Variants in ATP2C1 observed in about 807,000 individuals in gnomAD.
ATP2C1 encodes ATPase secretory pathway Ca2+ transporting 1.
A neutral mutation model predicts 120.5 loss-of-function variants in ATP2C1; 31 were observed. The observed-to-expected ratio is 0.26, with a 90% CI of 0.19 to 0.35. The LOEUF is 0.35. ATP2C1 is among the 10% of genes least tolerant of loss of function. The probability of loss-of-function intolerance (pLI) is 1.00; values close to 1 mark genes in which losing one functional copy is unlikely to be tolerated. For missense variants in ATP2C1, 731 were observed against 1,107.5 expected, an observed-to-expected ratio of 0.66 and a Z score of 4.83; for synonymous variants, 351 against 358.7, an observed-to-expected ratio of 0.98 and a Z score of 0.24.
intron 2 of ATP2C1, among the ~76,000 whole-genome samples, chr3:130,925,064 T>G (rs1217183669): frequency 6.6e-6 from 1 of 152,202 alleles, no homozygotes; most frequent in Non-Finnish European, 1.5e-5. Context: ...TTCTAAATTC[T>G]TTTTCTGGCA....
chr3:130,867,358 G>A (rs1242964478), intron 1 of ATP2C1, among the ~76,000 whole-genome samples: 1 of 145,384 alleles, frequency 6.9e-6, no homozygotes, highest in East Asian at 2.0e-4. Context: ...CTCTGATGCC[G>A]AGCCAAAGCT....
intron 20 of ATP2C1, among the ~76,000 whole-genome samples, chr3:130,989,146 G>A (rs1160575290): frequency 4.6e-5 from 7 of 151,492 alleles, no homozygotes; most frequent in African/African-American, 1.7e-4. Flanking sequence ...AGCTACTTGG[G>A]AGGCTGAGGC....
In ATP2C1 at chr3:131,002,002, A is replaced by T. The variant is rs749037921; in HGVS notation, c.*652A>T. On this transcript the variant is annotated 3_prime_UTR_variant, in exon 28 of 28. Coordinates refer to ENST00000510168, the MANE Select transcript of ATP2C1 (RefSeq NM_001378687.1). ...AATTTTTGTTTTTCTTAGTAAGTGT[A>T]AATGGTTGCTTTATTTTTATTTTAA... 29 of 983,440 alleles carry T rather than the reference A, an allele frequency of 2.9e-5. No individual in the cohort carries two copies. Among genetic ancestry groups the T allele is most frequent in the Non-Finnish European group, 3.5e-5 (29 of 827,754 alleles). The allele number at this position is 983,440 out of a possible 1,614,324, so 60.9% of individuals were successfully genotyped here.
At chr3:130,965,488 T>C (rs2061011280) in intron 14 of ATP2C1, among the ~76,000 whole-genome samples, 1 of 152,102 alleles carries the variant, frequency 6.6e-6, no homozygotes, top group Non-Finnish European at 1.5e-5. Context: ...ACTCCATAAA[T>C]TAAGGTACTC....
intron 12 of ATP2C1, among the ~76,000 whole-genome samples, chr3:130,959,913 T>C (rs2060747875): frequency 6.6e-6 from 1 of 152,088 alleles, no homozygotes; most frequent in Admixed American, 6.6e-5. Context: ...TAGAATGAGA[T>C]AAAATGATGA....
chr3:130,947,360 C>A (rs1576835373), intron 8 of ATP2C1, among the ~76,000 whole-genome samples: 1 of 152,266 alleles, frequency 6.6e-6, no homozygotes, highest in South Asian at 2.1e-4. Flanking sequence ...CACAGTTGTA[C>A]ACCCATCACT....
chr3:130,867,803 G>A lies in ATP2C1; in HGVS notation c.108+16875G>A, dbSNP rs539461630. 1.0e-4 allele frequency among the ~76,000 whole-genome samples: 11 copies of A among 109,998 alleles called. No individual in the cohort carries two copies. The South Asian group carries it at 4.0e-3, about 40-fold the overall frequency. The allele number at this position is 109,998 out of a possible 152,430, so 72.2% of individuals were successfully genotyped here. On this transcript the variant is annotated intron_variant, in intron 1 of 26. Coordinates refer to the ATP2C1 transcript ENST00000504381. ...TGCCTGGCTGCCCAGTCTGGAAAGT[G>A]AGGAGCGTCTCTGCCCGGCCGCCAT... is the stretch of plus-strand genomic sequence containing the variant.
chr3:130,970,917 T>C (rs2061283979), intron 17 of ATP2C1, among the ~76,000 whole-genome samples: 2 of 152,176 alleles, frequency 1.3e-5, no homozygotes, highest in South Asian at 4.1e-4. Flanking sequence ...TTCCAGGAAC[T>C]ATGTTCATGA....
At chr3:131,013,423 CA>C (rs1319024189) in intron 26 of ATP2C1, among the ~76,000 whole-genome samples, 2 of 152,204 alleles carry the variant, frequency 1.3e-5, no homozygotes, top group African/African-American at 4.8e-5. Flanking sequence ...GGTATTGCTG[CA>C]TATATCTCTT....
intron 26 of ATP2C1, chr3:131,016,027 GT>G (rs749416372): frequency 1.2e-4 from 144 of 1,225,794 alleles, no homozygotes; most frequent in South Asian, 1.7e-4. Context: ...ATTAAGATTA[GT>G]TTTTTTTTGT....
In ATP2C1 at chr3:130,934,724, T is replaced by C; in HGVS notation, c.324+13T>C. On this transcript the variant is annotated intron_variant, in intron 5 of 27. Transcript: ENST00000510168. ...CAGTATCACTGTGGTAAGAAAAAAA[T>C]TACATATTTTTAATCTGTTGAGTAA... is the stretch of plus-strand genomic sequence containing the variant. 6.5e-7 allele frequency: 1 copy of C among 1,534,338 alleles called. No homozygotes were observed. The highest frequency in any genetic ancestry group is 1.1e-5 in the South Asian group (1 of 89,356).
Position 130,926,227 on chromosome 3 carries a change from G to C in ATP2C1, c.7-4189G>C, listed in dbSNP as rs146808253. On this transcript the variant is annotated intron_variant, in intron 2 of 27. Coordinates refer to ENST00000510168, the MANE Select transcript of ATP2C1 (RefSeq NM_001378687.1). The stretch of plus-strand genomic sequence containing the variant: ...GATGTGAGTCTCCACATGTTGCTCT[G>C]TCTGTCAGAATGGGAGATACAAGCT... Among the ~76,000 whole-genome samples the C allele has an allele frequency of 1.8e-4, 28 of 152,216 alleles. No homozygotes were observed. The East Asian group carries it at 4.8e-3, about 26-fold the overall frequency.
At chr3:130,881,349 C>T (rs115679514) in intron 1 of ATP2C1, among the ~76,000 whole-genome samples, 2 of 105,530 alleles carry the variant, frequency 1.9e-5, no homozygotes, top group African/African-American at 3.3e-5. Flanking sequence ...TTCTTCTTCT[C>T]CTCCTCCTCC....
intron 8 of ATP2C1, among the ~76,000 whole-genome samples, chr3:130,945,337 T>C (rs993063219): frequency 6.6e-6 from 1 of 152,178 alleles, no homozygotes; most frequent in African/African-American, 2.4e-5. Context: ...TGGATAACAG[T>C]ACATTTTATT....
intron 27 of ATP2C1, 107 bp from the exon 28 acceptor site, chr3:131,001,104 GAAAAAAAAA>G (rs11403338): frequency 1.3e-4 from 46 of 340,900 alleles, no homozygotes; most frequent in Non-Finnish European, 2.0e-4. Context: ...CTTCATCTCA[GAAAAAAAAA>G]AAAAAAAAAA....
At chr3:131,009,133 G>T (rs1448633161) in intron 26 of ATP2C1, among the ~76,000 whole-genome samples, 10 of 152,280 alleles carry the variant, frequency 6.6e-5, no homozygotes, top group Admixed American at 5.9e-4. Flanking sequence ...CAAACCCAGA[G>T]AAATAAAGCT....
At chr3:131,001,068 A>G in intron 27 of ATP2C1, 152 bp from the exon 28 acceptor site, 2 of 602,184 alleles carry the variant, frequency 3.3e-6, no homozygotes, top group Non-Finnish European at 5.3e-6. Context: ...ATGCCACTGC[A>G]TTCCAGCCTG....
intron 10 of ATP2C1, 99 bp downstream of exon 10, chr3:130,955,179 T>C: frequency 1.2e-6 from 1 of 808,956 alleles, no homozygotes; most frequent in Non-Finnish European, 2.1e-6. Flanking sequence ...TTGAGAGCAA[T>C]ATTTTATTCA....
chr3:130,971,306 A>G (rs2061306447), intron 17 of ATP2C1, among the ~76,000 whole-genome samples: 1 of 152,210 alleles, frequency 6.6e-6, no homozygotes, highest in Non-Finnish European at 1.5e-5. Flanking sequence ...TGGGGGACAG[A>G]AAGTGGCAGG....
Sources: gnomAD v4.1 joint callset for allele counts (sites outside exome capture counted in the v4.1 genomes callset) on GRCh38, gnomAD v4.1.1 for gene constraint, MANE v1.5 for transcripts, NCBI Gene and HGNC (gene_info 2026-07-23, HGNC 2026-07-21) for gene names.